ARHGAP21: variants seen among roughly 807,000 people sequenced by gnomAD.
ARHGAP21 encodes the protein rho GTPase-activating protein 21.
In ARHGAP21, 38 loss-of-function variants were observed where a neutral mutation model predicts 164.6. The observed-to-expected ratio is 0.23, with a 90% CI of 0.18 to 0.30. ARHGAP21 has a LOEUF of 0.30. ARHGAP21 is among the 10% of genes least tolerant of loss of function. The pLI, the probability that ARHGAP21 is intolerant of heterozygous loss-of-function variation, is 1.00. For missense variants in ARHGAP21, 1,822 were observed against 2,370.7 expected, an observed-to-expected ratio of 0.77 and a Z score of 4.81; for synonymous variants, 766 against 857.9, an observed-to-expected ratio of 0.89 and a Z score of 1.87.
intron 2 of ARHGAP21, among the ~76,000 whole-genome samples, chr10:24,670,867 C>T (rs934478844): frequency 1.3e-5 from 2 of 152,144 alleles, no homozygotes; most frequent in African/African-American, 2.4e-5. Context: ...GTTCTGAGCA[C>T]GAATTCAATA....
At chr10:24,693,648 T>C (rs538830224) in intron 2 of ARHGAP21, among the ~76,000 whole-genome samples, 1 of 152,070 alleles carries the variant, frequency 6.6e-6, no homozygotes, top group African/African-American at 2.4e-5. Flanking sequence ...ACACTGCGCC[T>C]GGCCCCTAAA....
intron 2 of ARHGAP21, among the ~76,000 whole-genome samples, chr10:24,696,764 G>A (rs6482413): frequency 0.29 from 44,082 of 152,026 alleles, 6,563 homozygotes; most frequent in East Asian, 0.31. Flanking sequence ...TCAGAGAATC[G>A]GGCCTGCTAA....
chr10:24,589,784 T>C (rs533115233), intron 24 of ARHGAP21: 1 of 163,136 alleles, frequency 6.1e-6, no homozygotes, highest in Admixed American at 6.3e-5. Flanking sequence ...CTGAGCATTA[T>C]GCTGTATGCG....
chr10:24,609,682 C>T (rs144199743), intron 9 of ARHGAP21, among the ~76,000 whole-genome samples: 155 of 152,244 alleles, frequency 1.0e-3, no homozygotes, highest in Non-Finnish European at 1.8e-3. Context: ...ATACTGTGTT[C>T]GTTAGGAATA....
intron 4 of ARHGAP21, among the ~76,000 whole-genome samples, chr10:24,646,064 A>G (rs529477352): frequency 1.4e-4 from 21 of 152,246 alleles, no homozygotes; most frequent in Non-Finnish European, 5.9e-5. Flanking sequence ...TGCTAAAGGA[A>G]CAAATAAACA....
intron 4 of ARHGAP21, among the ~76,000 whole-genome samples, chr10:24,658,379 CAT>C (rs200597312): frequency 0.032 from 4,933 of 152,238 alleles, 145 homozygotes; most frequent in African/African-American, 0.075. Context: ...TGCACACACA[CAT>C]ATGTTTATTG....
intron 2 of ARHGAP21, among the ~76,000 whole-genome samples, chr10:24,672,874 A>G (rs1170457136): frequency 6.6e-6 from 1 of 151,964 alleles, no homozygotes; most frequent in East Asian, 1.9e-4. Context: ...ACCAAAAACA[A>G]AAACAAAAAC....
intron 16 of ARHGAP21, among the ~76,000 whole-genome samples, chr10:24,597,193 G>A (rs1316388821): frequency 1.3e-5 from 2 of 151,686 alleles, no homozygotes; most frequent in Admixed American, 6.6e-5. Flanking sequence ...CTGAATCCTC[G>A]GAGTCATTTA....
At chr10:24,611,477 G>C (rs763102060) in intron 9 of ARHGAP21, among the ~76,000 whole-genome samples, 2 of 152,164 alleles carry the variant, frequency 1.3e-5, no homozygotes, top group Non-Finnish European at 2.9e-5. Context: ...GCCAAGGTGG[G>C]ATGATCACTT....
In ARHGAP21 at chr10:24,654,464, G is replaced by A. The variant is rs190307284; in HGVS notation, c.268+12521C>T. On this transcript the variant is annotated intron_variant, in intron 4 of 25. Transcript: ENST00000396432. Reference sequence around the variant, plus strand: ...CAAAATCAATGTGCAAAAATCACAAGCATTCCTATACACCAATAACAGACA... The same window carrying A: ...CAAAATCAATGTGCAAAAATCACAAACATTCCTATACACCAATAACAGACA... Among the ~76,000 whole-genome samples the A allele has an allele frequency of 8.4e-3, 1,272 of 152,268 alleles. 7 individuals carry two copies. Among genetic ancestry groups the A allele is most frequent in the Non-Finnish European group, 0.013 (900 of 68,034 alleles).
At chr10:24,675,193 T>C (rs1021640715) in intron 2 of ARHGAP21, among the ~76,000 whole-genome samples, 1 of 152,154 alleles carries the variant, frequency 6.6e-6, no homozygotes, top group African/African-American at 2.4e-5. Context: ...GATGAATGGA[T>C]AACTAAACTG....
intron 14 of ARHGAP21, among the ~76,000 whole-genome samples, chr10:24,600,356 C>G (rs567437022): frequency 6.6e-6 from 1 of 152,156 alleles, no homozygotes; most frequent in African/African-American, 2.4e-5. Flanking sequence ...GGAAATGGAT[C>G]TGGAATAACT....
In ARHGAP21 at chr10:24,596,080, C is replaced by G. The variant is rs757688530; in HGVS notation, c.3478-37G>C. The G allele has an allele frequency of 9.9e-6, 15 of 1,520,756 alleles. No individual in the cohort carries two copies. The Admixed American group carries it at 3.0e-4, about 31-fold the overall frequency. 94.2% of individuals were successfully genotyped at this position (1,520,756 alleles called of 1,614,324 possible). A position where few individuals can be genotyped will look rare whatever the true frequency, so the allele number is the denominator to read the frequency against. On this transcript the variant is annotated intron_variant, in intron 17 of 25. Coordinates refer to ENST00000396432, the MANE Select transcript of ARHGAP21 (RefSeq NM_020824.4). ...GAAATAAACATTTTATTTAATGCAG[C>G]ACAAATGTTTAGTAGTTGTATATCA...
chr10:24,712,299 G>A (rs10764489), intron 2 of ARHGAP21, among the ~76,000 whole-genome samples: 84,871 of 151,890 alleles, frequency 0.56, 24,079 homozygotes, highest in African/African-American at 0.66. Context: ...GGCATGCAGT[G>A]GAGAAGGCCA....
At chr10:24,605,673 A>T (rs2076992757) in intron 11 of ARHGAP21, 1 of 152,232 alleles carries the variant, frequency 6.6e-6, no homozygotes, top group Admixed American at 6.5e-5. Flanking sequence ...GTTCTTTAAC[A>T]TAAGGTTCAG....
intron 4 of ARHGAP21, among the ~76,000 whole-genome samples, chr10:24,635,634 C>T (rs1455915743): frequency 6.6e-6 from 1 of 152,212 alleles, no homozygotes; most frequent in Non-Finnish European, 1.5e-5. Flanking sequence ...GCAACCTCCA[C>T]ATCCCGGGTT....
At chr10:24,700,558 A>C (rs1413795115) in intron 2 of ARHGAP21, among the ~76,000 whole-genome samples, 1 of 152,254 alleles carries the variant, frequency 6.6e-6, no homozygotes, top group Non-Finnish European at 1.5e-5. Context: ...AATATAAAAC[A>C]TGAAAAATTG....
intron 2 of ARHGAP21, among the ~76,000 whole-genome samples, chr10:24,672,822 G>A (rs965426432): frequency 6.6e-6 from 1 of 151,836 alleles, no homozygotes; most frequent in Non-Finnish European, 1.5e-5. Context: ...ATATGATTGA[G>A]TTCTAGTAAA....
chr10:24,612,092 A>T (rs2077287991), intron 9 of ARHGAP21, among the ~76,000 whole-genome samples: 1 of 152,218 alleles, frequency 6.6e-6, no homozygotes. Flanking sequence ...AATGTACTTT[A>T]TATTTTATGA....
Sources: allele counts gnomAD v4.1 joint callset (sites outside exome capture counted in the v4.1 genomes callset), GRCh38; gene constraint gnomAD v4.1.1; transcripts MANE v1.5; gene names NCBI Gene and HGNC (gene_info 2026-07-23, HGNC 2026-07-21).